GRID2: variants seen among roughly 807,000 people sequenced by gnomAD.
GRID2 encodes the protein glutamate receptor ionotropic, delta-2.
Under a neutral mutation model 114.8 loss-of-function variants are expected in GRID2, and 33 were observed. That is an observed-to-expected ratio of 0.29 (90% confidence interval 0.22 to 0.38). GRID2 has a LOEUF of 0.38. Among genes scored for constraint, GRID2 ranks in the 10% least tolerant of loss-of-function variants. The pLI is 1.00. For synonymous variants in GRID2, 505 were observed against 449.9 expected, an observed-to-expected ratio of 1.12 and a Z score of -1.55; for missense variants, 1,184 against 1,257.7, an observed-to-expected ratio of 0.94 and a Z score of 0.89.
intron 2 of GRID2, among the ~76,000 whole-genome samples, chr4:92,884,079 C>T (rs944188663): frequency 6.6e-6 from 1 of 152,196 alleles, no homozygotes; most frequent in Non-Finnish European, 1.5e-5. Context: ...GGTTTAGCCA[C>T]TTCATCTATG....
intron 2 of GRID2, among the ~76,000 whole-genome samples, chr4:92,894,763 T>C (rs952087447): frequency 1.3e-5 from 2 of 152,158 alleles, no homozygotes; most frequent in Non-Finnish European, 2.9e-5. Flanking sequence ...GTGCTTGATT[T>C]ACTATCCAGA....
At chr4:93,114,692 G>A (rs1016947590) in intron 4 of GRID2, among the ~76,000 whole-genome samples, 6 of 152,062 alleles carry the variant, frequency 3.9e-5, no homozygotes, top group Non-Finnish European at 7.4e-5. Context: ...CCACCTCCTC[G>A]ATGGGTTCTA....
intron 1 of GRID2, among the ~76,000 whole-genome samples, chr4:92,341,101 T>C (rs1727463758): frequency 1.3e-5 from 2 of 152,198 alleles, no homozygotes; most frequent in African/African-American, 4.8e-5. Flanking sequence ...TACTATACAG[T>C]ATATGGTATA....
chr4:92,703,835 T>C (rs1392082689), intron 2 of GRID2, among the ~76,000 whole-genome samples: 1 of 152,064 alleles, frequency 6.6e-6, no homozygotes, highest in African/African-American at 2.4e-5. Context: ...ACTGGGCTTC[T>C]AGCACTTTTA....
intron 3 of GRID2, among the ~76,000 whole-genome samples, chr4:93,093,302 C>T (rs576309047): frequency 1.3e-5 from 2 of 151,940 alleles, no homozygotes; most frequent in Non-Finnish European, 2.9e-5. Flanking sequence ...TACCTGGTAG[C>T]CATATTTGGG....
intron 2 of GRID2, among the ~76,000 whole-genome samples, chr4:92,743,898 G>A (rs1410180234): frequency 1.3e-5 from 2 of 152,176 alleles, no homozygotes; most frequent in African/African-American, 2.4e-5. Flanking sequence ...TTTTATGTTT[G>A]ACATATATGT....
chr4:93,088,683 T>G (rs944864289), intron 3 of GRID2, among the ~76,000 whole-genome samples: 3 of 152,124 alleles, frequency 2.0e-5, no homozygotes, highest in Non-Finnish European at 4.4e-5. Flanking sequence ...ATATTAAAAA[T>G]AATATCTCTG....
intron 13 of GRID2, among the ~76,000 whole-genome samples, chr4:93,525,007 T>A (rs1730745052): frequency 6.6e-6 from 1 of 151,920 alleles, no homozygotes; most frequent in Admixed American, 6.6e-5. Context: ...AAGCCAGATC[T>A]GCTCCAATTC....
At chr4:93,499,765 T>G (rs1446075512) in intron 12 of GRID2, among the ~76,000 whole-genome samples, 2 of 151,942 alleles carry the variant, frequency 1.3e-5, no homozygotes, top group East Asian at 3.9e-4. Context: ...TAATATTTCT[T>G]GAGTGCTTGC....
intron 4 of GRID2, among the ~76,000 whole-genome samples, chr4:93,148,545 T>C (rs888438336): frequency 6.6e-6 from 1 of 152,204 alleles, no homozygotes; most frequent in Non-Finnish European, 1.5e-5. Flanking sequence ...TTCTCAATTA[T>C]AGCATATTAA....
chr4:92,396,051 T>C (rs1336570028), intron 1 of GRID2, among the ~76,000 whole-genome samples: 1 of 151,860 alleles, frequency 6.6e-6, no homozygotes, highest in Non-Finnish European at 1.5e-5. Flanking sequence ...ATAAGACATA[T>C]TATTTATTTC....
chr4:93,288,883 T>C (rs1318447875), intron 8 of GRID2, among the ~76,000 whole-genome samples: 1 of 152,202 alleles, frequency 6.6e-6, no homozygotes, highest in African/African-American at 2.4e-5. Context: ...TGAGAAGTAG[T>C]TTCACTCTCT....
intron 1 of GRID2, among the ~76,000 whole-genome samples, chr4:92,558,860 A>T (rs1726988488): frequency 6.6e-6 from 1 of 152,186 alleles, no homozygotes; most frequent in Non-Finnish European, 1.5e-5. Context: ...GTGCCCTCAG[A>T]GCAACTGATC....
At chr4:92,934,713 G>C (rs1323951275) in intron 2 of GRID2, among the ~76,000 whole-genome samples, 1 of 146,552 alleles carries the variant, frequency 6.8e-6, no homozygotes, top group Admixed American at 7.4e-5. Context: ...GAACAGAACA[G>C]AGCCCTCAGA....
chr4:92,598,483 A>G (rs200100088), intron 2 of GRID2, among the ~76,000 whole-genome samples: 1 of 152,152 alleles, frequency 6.6e-6, no homozygotes, highest in East Asian at 1.9e-4. Context: ...AAATGTCTGC[A>G]TTTAGTTCGG....
chr4:93,318,714 G>A lies in GRID2; in HGVS notation c.1246-76893G>A, dbSNP rs571998394. On this transcript the variant is annotated intron_variant, in intron 8 of 15. Coordinates refer to ENST00000282020, the MANE Select transcript of GRID2 (RefSeq NM_001510.4). ...TGTTTCAACCATTCCTTCTATCCTT[G>A]TGTTTCTCATTCAAGAGTCCACATC... 6 of 152,114 alleles carry A rather than the reference G, an allele frequency of 3.9e-5. No individual in the cohort carries two copies. The East Asian group carries it at 1.2e-3, about 29-fold the overall frequency. The allele number at this position is 152,114 out of a possible 1,614,324, so 9.4% of individuals were successfully genotyped here.
intron 2 of GRID2, among the ~76,000 whole-genome samples, chr4:92,791,504 A>G: frequency 6.6e-6 from 1 of 151,896 alleles, no homozygotes; most frequent in Non-Finnish European, 1.5e-5. Flanking sequence ...CTATCAAATT[A>G]TATGCTTTAA....
chr4:93,425,554 G>A (rs1048411402), intron 10 of GRID2, among the ~76,000 whole-genome samples: 43 of 152,096 alleles, frequency 2.8e-4, no homozygotes, highest in Non-Finnish European at 4.6e-4. Context: ...TCTTTAGCAC[G>A]TTTAGCCTTC....
At chr4:92,537,229 G>A (rs531214467) in intron 1 of GRID2, among the ~76,000 whole-genome samples, 1 of 152,216 alleles carries the variant, frequency 6.6e-6, no homozygotes, top group East Asian at 1.9e-4. Context: ...TTATGAACGT[G>A]AAATCTTATT....
Sources: gnomAD v4.1 joint callset for allele counts (sites outside exome capture counted in the v4.1 genomes callset) on GRCh38, gnomAD v4.1.1 for gene constraint, MANE v1.5 for transcripts, NCBI Gene and HGNC (gene_info 2026-07-23, HGNC 2026-07-21) for gene names.